The following ROBO1 variants were observed in gnomAD, a reference collection of about 807,000 sequenced individuals.
ROBO1 encodes roundabout guidance receptor 1.
ROBO1 carries 149 observed loss-of-function variants against 195.9 expected under a neutral mutation model. That is an observed-to-expected ratio of 0.76 (90% CI 0.67 to 0.87). The LOEUF (loss-of-function observed/expected upper bound fraction) is 0.87, where lower values mean the gene tolerates loss of function less well. ROBO1 is among the 40% of genes least tolerant of loss of function. ROBO1 has a pLI of 0.00. For missense variants in ROBO1, 1,933 were observed against 2,068.3 expected (o/e 0.93, Z 1.27); for synonymous variants, 816 against 733.2 (o/e 1.11, Z -1.82).
At chr3:78,624,891 GA>G (rs1704667234) in intron 26 of ROBO1, among the ~76,000 whole-genome samples, 1 of 152,084 alleles carries the variant, frequency 6.6e-6, no homozygotes, top group Non-Finnish European at 1.5e-5. Context: ...AATCAGAAAA[GA>G]GCATGTAGAA....
chr3:79,300,360 C>A (rs1198938395), intron 2 of ROBO1, among the ~76,000 whole-genome samples: 1 of 152,222 alleles, frequency 6.6e-6, no homozygotes, highest in African/African-American at 2.4e-5. Context: ...GCTTAGCACC[C>A]AGGCCAGCAG....
chr3:78,611,237 A>G lies in ROBO1; in HGVS notation c.4435+3411T>C, dbSNP rs796676025. On this transcript the variant is annotated intron_variant, in intron 28 of 30. Coordinates refer to ENST00000464233, the MANE Select transcript of ROBO1 (RefSeq NM_002941.4). ...CCTCAGACCTTGTAATTAATGATAA[A>G]TCAAGTCAAAATAACATCATTCCAA... is the stretch of plus-strand genomic sequence containing the variant. Among the ~76,000 whole-genome samples the G allele has an allele frequency of 1.1e-4, 17 of 152,302 alleles. 1 individual carries two copies. The highest frequency in any genetic ancestry group is 4.1e-4 in the African/African-American group (17 of 41,590).
At chr3:78,704,595 TACACAC>T (rs34616317) in intron 8 of ROBO1, among the ~76,000 whole-genome samples, 4 of 141,080 alleles carry the variant, frequency 2.8e-5, no homozygotes, top group East Asian at 2.1e-4. Flanking sequence ...AACACACACA[TACACAC>T]ACACACACAC....
chr3:79,712,182 T>G (rs1403160538), intron 1 of ROBO1, among the ~76,000 whole-genome samples: 1 of 152,104 alleles, frequency 6.6e-6, no homozygotes, highest in Non-Finnish European at 1.5e-5. Context: ...CCAGAAATGA[T>G]TAAGCTTGGT....
At chr3:79,032,576 T>C (rs1217708805) in intron 3 of ROBO1, among the ~76,000 whole-genome samples, 1 of 152,022 alleles carries the variant, frequency 6.6e-6, no homozygotes, top group Non-Finnish European at 1.5e-5. Context: ...AATCTCTCTC[T>C]ATAGAAACTT....
At chr3:78,809,369 G>A (rs183055388) in intron 4 of ROBO1, among the ~76,000 whole-genome samples, 1 of 152,260 alleles carries the variant, frequency 6.6e-6, no homozygotes, top group Non-Finnish European at 1.5e-5. Context: ...TGGAGAAATA[G>A]GAACGCTTTT....
intron 11 of ROBO1, among the ~76,000 whole-genome samples, chr3:78,669,564 T>A (rs1707941576): frequency 6.6e-6 from 1 of 152,150 alleles, no homozygotes; most frequent in Non-Finnish European, 1.5e-5. Flanking sequence ...TGAAAGTAAA[T>A]CCTTAAATGG....
chr3:78,602,098 A>T (rs968595292), intron 29 of ROBO1, among the ~76,000 whole-genome samples: 1 of 151,606 alleles, frequency 6.6e-6, no homozygotes, highest in Non-Finnish European at 1.5e-5. Context: ...TAGTTTGGAT[A>T]TTTGTCACTG....
chr3:79,288,496 G>A (rs1204814932), intron 2 of ROBO1, among the ~76,000 whole-genome samples: 2 of 152,188 alleles, frequency 1.3e-5, no homozygotes, highest in Non-Finnish European at 2.9e-5. Context: ...ACGTGTGCAT[G>A]TGTGTTGCTG....
intron 2 of ROBO1, among the ~76,000 whole-genome samples, chr3:79,391,111 C>G (rs1002324563): frequency 1.4e-5 from 2 of 147,918 alleles, no homozygotes; most frequent in African/African-American, 5.1e-5. Flanking sequence ...ATAGCAGGAC[C>G]CTGTCTCTAC....
chr3:79,622,613 C>T (rs1945043400), intron 1 of ROBO1, among the ~76,000 whole-genome samples: 1 of 152,180 alleles, frequency 6.6e-6, no homozygotes, highest in Non-Finnish European at 1.5e-5. Context: ...CCCATCCTTC[C>T]TCATTGGGTT....
At chr3:79,723,170 C>T (rs1262362195) in intron 1 of ROBO1, among the ~76,000 whole-genome samples, 6 of 152,252 alleles carry the variant, frequency 3.9e-5, no homozygotes, top group Admixed American at 6.5e-5. Flanking sequence ...AATGTTGGAT[C>T]GTACAAGGAT....
At chr3:79,673,786 G>T (rs1048731306) in intron 1 of ROBO1, among the ~76,000 whole-genome samples, 4 of 151,850 alleles carry the variant, frequency 2.6e-5, no homozygotes, top group African/African-American at 9.7e-5. Flanking sequence ...GATATTTGGG[G>T]TTTTATCAAT....
At chr3:79,358,715 A>C (rs1222341375) in intron 2 of ROBO1, among the ~76,000 whole-genome samples, 1 of 152,084 alleles carries the variant, frequency 6.6e-6, no homozygotes, top group Non-Finnish European at 1.5e-5. Flanking sequence ...AAACTCCAGA[A>C]ATGCAAGAAT....
intron 1 of ROBO1, among the ~76,000 whole-genome samples, chr3:79,688,143 C>G (rs950951190): frequency 1.4e-5 from 2 of 146,262 alleles, no homozygotes; most frequent in African/African-American, 5.1e-5. Flanking sequence ...ACCGCATGTT[C>G]TCACTCATAG....
rs2082122732 is a variant in ROBO1, at chr3:78,724,656, TG to T, written c.658-6774del. Reference sequence around the variant, plus strand: ...GAAATCATGCTACTACACTCCAGCCTGGGCGACAGAGTGAGACTCTGTCACA... The same window carrying T: ...GAAATCATGCTACTACACTCCAGCCTGGCGACAGAGTGAGACTCTGTCACA... On this transcript the variant is annotated intron_variant, in intron 5 of 30. Transcript: ENST00000464233. Among the ~76,000 whole-genome samples the T allele has an allele frequency of 2.0e-5, 3 of 152,060 alleles. No individual in the cohort carries two copies. In the South Asian group the frequency reaches 6.2e-4, roughly 32 times the overall value.
At chr3:79,073,389 G>A (rs1221182785) in intron 3 of ROBO1, among the ~76,000 whole-genome samples, 3 of 151,914 alleles carry the variant, frequency 2.0e-5, no homozygotes, top group African/African-American at 7.2e-5. Flanking sequence ...ACTAAGATCT[G>A]TGGGAGTGCT....
chr3:79,675,575 C>A (rs911682053), intron 1 of ROBO1, among the ~76,000 whole-genome samples: 2 of 151,782 alleles, frequency 1.3e-5, no homozygotes, highest in Admixed American at 1.3e-4. Flanking sequence ...AGAGAAATAC[C>A]AAGGTGATCT....
At chr3:78,949,150 G>GA (rs539755753) in intron 3 of ROBO1, among the ~76,000 whole-genome samples, 9,568 of 135,380 alleles carry the variant, frequency 0.071, 847 homozygotes, top group African/African-American at 0.23. Context: ...CACAGAATTG[G>GA]AAAAAACTAC....
Sources: allele counts gnomAD v4.1 joint callset (sites outside exome capture counted in the v4.1 genomes callset), GRCh38; gene constraint gnomAD v4.1.1; transcripts MANE v1.5; gene names NCBI Gene and HGNC (gene_info 2026-07-23, HGNC 2026-07-21).